Variants in LIMK2 observed in about 807,000 individuals in gnomAD.
The protein encoded by LIMK2 is LIM domain kinase 2.
LIMK2 carries 35 observed loss-of-function variants against 75.7 expected under a neutral mutation model. The observed-to-expected ratio is 0.46, with a 90% CI of 0.35 to 0.61. LIMK2 has a LOEUF of 0.61. LIMK2 is among the 20% of genes least tolerant of loss of function. LIMK2 has a pLI of 0.00. For missense variants in LIMK2, 623 were observed against 831.0 expected, an observed-to-expected ratio of 0.75 and a Z score of 3.08; for synonymous variants, 301 against 319.2, an observed-to-expected ratio of 0.94 and a Z score of 0.61.
intron 9 of LIMK2, 72 bp from the exon 10 acceptor site, chr22:31,267,704 C>G (rs1001362956): frequency 1.3e-6 from 2 of 1,503,950 alleles, no homozygotes; most frequent in Non-Finnish European, 1.8e-6. Context: ...CAAGCTGATT[C>G]CTTGGAGGGA....
intron 2 of LIMK2, among the ~76,000 whole-genome samples, chr22:31,251,235 C>T (rs770575134): frequency 6.6e-6 from 1 of 152,160 alleles, no homozygotes; most frequent in Non-Finnish European, 1.5e-5. Context: ...TATAGAATTT[C>T]ACTTAATGTC....
intron 1 of LIMK2, among the ~76,000 whole-genome samples, chr22:31,216,657 G>A (rs2048391355): frequency 6.6e-6 from 1 of 152,150 alleles, no homozygotes; most frequent in Non-Finnish European, 1.5e-5. Context: ...ATGGAGCAGG[G>A]TAGGGTCCAA....
At chr22:31,224,564 G>A (rs1038969116) in intron 1 of LIMK2, among the ~76,000 whole-genome samples, 4 of 152,222 alleles carry the variant, frequency 2.6e-5, no homozygotes, top group African/African-American at 9.6e-5. Flanking sequence ...AATAATACCT[G>A]TGTCACAGGA....
chr22:31,229,888 G>A (rs1481202226), intron 2 of LIMK2, among the ~76,000 whole-genome samples: 13 of 152,280 alleles, frequency 8.5e-5, no homozygotes, highest in African/African-American at 3.1e-4. Context: ...GGAGGCCAGT[G>A]ACAAAACTGA....
intron 1 of LIMK2, among the ~76,000 whole-genome samples, chr22:31,218,237 A>T (rs1474347620): frequency 6.6e-6 from 1 of 152,250 alleles, no homozygotes; most frequent in African/African-American, 2.4e-5. Context: ...AAGCTCAGAG[A>T]GGTCAAATAA....
intron 2 of LIMK2, among the ~76,000 whole-genome samples, chr22:31,240,063 T>G (rs2048611720): frequency 6.6e-6 from 1 of 152,168 alleles, no homozygotes; most frequent in Non-Finnish European, 1.5e-5. Flanking sequence ...TATTTTGCCG[T>G]GTTTTTCATT....
intron 2 of LIMK2, among the ~76,000 whole-genome samples, chr22:31,256,744 A>T (rs1785057430): frequency 6.6e-6 from 1 of 152,220 alleles, no homozygotes; most frequent in Admixed American, 6.5e-5. Flanking sequence ...GCCCAAGATG[A>T]TGTAACTAGT....
chr22:31,262,604 G>A lies in LIMK2; in HGVS notation c.667G>A (p.Ala223Thr), dbSNP rs770151744. Residue 223 changes from alanine to threonine, a missense_variant, in exon 7 of 16, where the codon GCA becomes ACA. Coordinates refer to ENST00000331728, the MANE Select transcript of LIMK2 (RefSeq NM_005569.4). The surrounding 1 kb of genome is among the most constrained non-coding windows in gnomAD (Gnocchi z 5.0). ...CTGCTCTTGGCCACAGGTGGAGGAT[G>A]CAATTAGCCAGACGAGCCAGACACT... Reference protein sequence around the residue: ...RTLRVEEVEDAISQTSQTLQL... With the variant: ...RTLRVEEVEDTISQTSQTLQL... 6.2e-7 allele frequency: 1 copy of A among 1,611,384 alleles called. No homozygotes were observed.
chr22:31,228,894 T>G (rs2048501230), intron 2 of LIMK2, among the ~76,000 whole-genome samples: 1 of 152,024 alleles, frequency 6.6e-6, no homozygotes, highest in African/African-American at 2.4e-5. Flanking sequence ...TAGTGAGCTG[T>G]GATCATGCCA....
At chr22:31,251,384 G>C (rs956346155) in intron 2 of LIMK2, among the ~76,000 whole-genome samples, 1 of 152,180 alleles carries the variant, frequency 6.6e-6, no homozygotes. Flanking sequence ...CCTTTGGCAG[G>C]TGCCTTAGGT....
At chr22:31,224,885 C>G (rs1413919358) in intron 1 of LIMK2, among the ~76,000 whole-genome samples, 1 of 152,194 alleles carries the variant, frequency 6.6e-6, no homozygotes, top group Admixed American at 6.5e-5. Context: ...CCAACTGGTA[C>G]GGGTCTGTAG....
intron 5 of LIMK2, 27 bp downstream of exon 5, chr22:31,260,104 G>T: frequency 2.0e-6 from 3 of 1,523,086 alleles, no homozygotes; most frequent in Non-Finnish European, 2.6e-6. Flanking sequence ...CCCTTCAGCA[G>T]GGGTTCTTGA....
intron 2 of LIMK2, among the ~76,000 whole-genome samples, chr22:31,241,187 G>GTCCAATGCTGC (rs1175515379): frequency 6.6e-6 from 1 of 152,208 alleles, no homozygotes; most frequent in East Asian, 1.9e-4. Flanking sequence ...TGACCAGAGG[G>GTCCAATGCTGC]TCCAATGCTG....
At chr22:31,259,077 C>A in intron 3 of LIMK2, 44 bp from the exon 4 acceptor site, 2 of 1,186,924 alleles carry the variant, frequency 1.7e-6, no homozygotes, top group African/African-American at 1.5e-5. Flanking sequence ...TGATAACTCA[C>A]TTCCTTCCTC....
intron 2 of LIMK2, chr22:31,248,667 AG>A: frequency 6.2e-7 from 1 of 1,614,036 alleles, no homozygotes; most frequent in Non-Finnish European, 8.5e-7. Flanking sequence ...GGCCTGAGGC[AG>A]TCACAGACGG....
At chr22:31,241,520 T>G (rs896191968) in intron 2 of LIMK2, among the ~76,000 whole-genome samples, 3 of 152,188 alleles carry the variant, frequency 2.0e-5, no homozygotes, top group Non-Finnish European at 4.4e-5. Flanking sequence ...CTTCTCCTCC[T>G]TTTTCCAGGC....
intron 2 of LIMK2, among the ~76,000 whole-genome samples, chr22:31,227,804 C>G (rs2048491798): frequency 1.3e-5 from 2 of 152,148 alleles, no homozygotes; most frequent in Non-Finnish European, 2.9e-5. Flanking sequence ...CAGGGTAGAG[C>G]AAGTTAATCT....
chr22:31,273,346 C>A, intron 13 of LIMK2, 106 bp from the exon 14 acceptor site: 1 of 1,012,084 alleles, frequency 9.9e-7, no homozygotes, highest in Non-Finnish European at 1.5e-6. Context: ...CCCTACAGAA[C>A]CTGTTCTAGC....
At chr22:31,266,507 C>G (rs1248622819) in intron 8 of LIMK2, among the ~76,000 whole-genome samples, 1 of 152,062 alleles carries the variant, frequency 6.6e-6, no homozygotes, top group African/African-American at 2.4e-5. Context: ...CTCTCTTTCT[C>G]TCCTCCTCCT....
Sources: gnomAD v4.1 joint callset for allele counts (sites outside exome capture counted in the v4.1 genomes callset) on GRCh38, gnomAD v4.1.1 for gene constraint, Gnocchi (gnomAD v3.1) non-coding constraint, MANE v1.5 for transcripts, NCBI Gene and HGNC (gene_info 2026-07-23, HGNC 2026-07-21) for gene names.